GRID2: variants seen among roughly 807,000 people sequenced by gnomAD.
The protein encoded by GRID2 is glutamate ionotropic receptor delta type subunit 2.
GRID2 carries 33 observed loss-of-function variants against 114.8 expected under a neutral mutation model. That is an observed-to-expected ratio of 0.29 (90% CI 0.22 to 0.38). The LOEUF is 0.38. GRID2 is among the 10% of genes least tolerant of loss of function. GRID2 has a pLI of 1.00. For synonymous variants in GRID2, 505 were observed against 449.9 expected (o/e 1.12, Z -1.55); for missense variants, 1,184 against 1,257.7 (o/e 0.94, Z 0.89).
chr4:92,508,348 TTGATAGGACATATTCTATCGGTAAATAC>T (rs1724077951), intron 1 of GRID2, among the ~76,000 whole-genome samples: 2 of 152,100 alleles, frequency 1.3e-5, no homozygotes, highest in Non-Finnish European at 2.9e-5. Context: ...CAGTAAATAC[TTGATAGGACATATTCTATCGGTAAATAC>T]TGATAGGACA....
At chr4:92,655,620 CT>C (rs894557457) in intron 2 of GRID2, among the ~76,000 whole-genome samples, 25 of 149,918 alleles carry the variant, frequency 1.7e-4, no homozygotes, top group Admixed American at 3.3e-4. Context: ...TCTAAGTATT[CT>C]TTTTTTTTGT....
chr4:93,328,083 A>C (rs1299038102), intron 8 of GRID2, among the ~76,000 whole-genome samples: 4 of 151,948 alleles, frequency 2.6e-5, no homozygotes, highest in African/African-American at 4.8e-5. Flanking sequence ...GCGCCACTGC[A>C]CTCCAGCCTG....
At chr4:93,143,333 A>G (rs72887677) in intron 4 of GRID2, among the ~76,000 whole-genome samples, 8,685 of 152,276 alleles carry the variant, frequency 0.057, 762 homozygotes, top group African/African-American at 0.19. Flanking sequence ...TTTCATAAAT[A>G]TAACAGTTTC....
intron 14 of GRID2, among the ~76,000 whole-genome samples, chr4:93,673,753 G>C (rs2110071730): frequency 6.6e-6 from 1 of 152,232 alleles, no homozygotes; most frequent in South Asian, 2.1e-4. Flanking sequence ...ATTAAGCACT[G>C]TCCCCAGGGG....
intron 2 of GRID2, among the ~76,000 whole-genome samples, chr4:92,892,231 T>C (rs1272372407): frequency 6.6e-6 from 1 of 152,054 alleles, no homozygotes; most frequent in Non-Finnish European, 1.5e-5. Context: ...ACCCAGCTAA[T>C]TTTTGTATTT....
chr4:92,374,778 C>A (rs1729277550), intron 1 of GRID2, among the ~76,000 whole-genome samples: 1 of 152,064 alleles, frequency 6.6e-6, no homozygotes, highest in Non-Finnish European at 1.5e-5. Context: ...AATAGGAATT[C>A]TTGAAGGGGA....
chr4:93,187,283 C>A (rs576408557), intron 4 of GRID2, among the ~76,000 whole-genome samples: 2 of 150,562 alleles, frequency 1.3e-5, no homozygotes, highest in South Asian at 2.1e-4. Context: ...CTTTTTTTTT[C>A]TTTTCTTTTT....
rs559477929 is a variant in GRID2 at position 93,412,428 on chromosome 4, G to A, written c.1348-10343G>A. On this transcript the variant is annotated intron_variant, in intron 9 of 15. Transcript: ENST00000282020. ...AACAAAACCCATCTCTGATTGTAGCGTATTTAGGTTGTTTTCAACTTCTTC... is the reference window on the plus strand; with the variant it reads ...AACAAAACCCATCTCTGATTGTAGCATATTTAGGTTGTTTTCAACTTCTTC... Among the ~76,000 whole-genome samples the A allele has an allele frequency of 2.7e-4, 41 of 152,134 alleles. 1 individual carries two copies. Among genetic ancestry groups the A allele is most frequent in the Non-Finnish European group, 4.7e-4 (32 of 68,000 alleles).
intron 1 of GRID2, among the ~76,000 whole-genome samples, chr4:92,417,525 T>C (rs1443492595): frequency 1.3e-5 from 2 of 152,064 alleles, no homozygotes; most frequent in African/African-American, 4.8e-5. Context: ...GAGTAATTAA[T>C]TGTAACAAAA....
intron 14 of GRID2, among the ~76,000 whole-genome samples, chr4:93,748,819 CT>C (rs879631377): frequency 1.2e-3 from 179 of 144,864 alleles, no homozygotes; most frequent in Admixed American, 1.5e-3. Context: ...ACTTTTCTTG[CT>C]TTTTTTTTTT....
At chr4:93,173,085 T>G (rs1739006308) in intron 4 of GRID2, among the ~76,000 whole-genome samples, 1 of 152,128 alleles carries the variant, frequency 6.6e-6, no homozygotes, top group East Asian at 1.9e-4. Flanking sequence ...TAGAAGGAAA[T>G]TGTATTGCCT....
At chr4:93,469,536 C>G (rs1466244797) in intron 11 of GRID2, among the ~76,000 whole-genome samples, 3 of 151,946 alleles carry the variant, frequency 2.0e-5, no homozygotes, top group Non-Finnish European at 2.9e-5. Context: ...GCAGTGCATT[C>G]TTTTGCTTCA....
At position 92,553,396 on chromosome 4, in the gene GRID2, C is replaced by T. The variant is rs77072521; in HGVS notation, c.89-36735C>T. On this transcript the variant is annotated intron_variant, in intron 1 of 15. Coordinates refer to ENST00000282020, the MANE Select transcript of GRID2 (RefSeq NM_001510.4). ...TGTGTTGAACAGAATATACCATGAG[C>T]AAAAGCTTGTTGATTTGGGTAAGTC... Among the ~76,000 whole-genome samples the T allele has an allele frequency of 4.1e-4, 63 of 152,178 alleles. No homozygotes were observed. The East Asian group carries it at 0.012, about 29-fold the overall frequency.
At chr4:92,314,091 GT>G (rs958406433) in intron 1 of GRID2, among the ~76,000 whole-genome samples, 6 of 150,370 alleles carry the variant, frequency 4.0e-5, no homozygotes, top group East Asian at 2.0e-4. Context: ...AAGGAAATCT[GT>G]TTTTTTTTCT....
intron 2 of GRID2, among the ~76,000 whole-genome samples, chr4:93,000,555 A>C (rs1755478717): frequency 6.6e-6 from 1 of 151,840 alleles, no homozygotes; most frequent in Non-Finnish European, 1.5e-5. Flanking sequence ...ATAGTAACTT[A>C]TAAAAAATTA....
intron 11 of GRID2, among the ~76,000 whole-genome samples, chr4:93,464,672 T>G (rs912327758): frequency 5.3e-5 from 8 of 152,180 alleles, no homozygotes; most frequent in South Asian, 2.1e-4. Flanking sequence ...GTGAACTACA[T>G]TTTTATGGCA....
At chr4:92,680,472 G>A (rs1407309140) in intron 2 of GRID2, among the ~76,000 whole-genome samples, 2 of 152,036 alleles carry the variant, frequency 1.3e-5, no homozygotes, top group Admixed American at 6.6e-5. Flanking sequence ...AGTAGAAAAT[G>A]ATATATTTTT....
intron 12 of GRID2, among the ~76,000 whole-genome samples, chr4:93,505,457 T>TAA (rs1373175265): frequency 6.6e-6 from 1 of 151,708 alleles, no homozygotes; most frequent in Admixed American, 6.6e-5. Flanking sequence ...TTGAGATAAA[T>TAA]AAGTATTGCA....
At chr4:92,780,779 A>G (rs1447355371) in intron 2 of GRID2, among the ~76,000 whole-genome samples, 4 of 152,132 alleles carry the variant, frequency 2.6e-5, no homozygotes, top group Non-Finnish European at 4.4e-5. Context: ...CTGTTCATGC[A>G]TGATAATAAA....
Sources: gnomAD v4.1 joint callset for allele counts (sites outside exome capture counted in the v4.1 genomes callset) on GRCh38, gnomAD v4.1.1 for gene constraint, MANE v1.5 for transcripts, NCBI Gene and HGNC (gene_info 2026-07-23, HGNC 2026-07-21) for gene names.